The following PFKM variants were observed in gnomAD, a reference collection of about 807,000 sequenced individuals.
PFKM encodes phosphofructokinase, muscle.
PFKM carries 58 observed loss-of-function variants against 95.5 expected under a neutral mutation model. That is an observed-to-expected ratio of 0.61 (90% confidence interval 0.49 to 0.76). PFKM has a LOEUF of 0.76. PFKM is among the 30% of genes least tolerant of loss of function. The pLI, the probability that PFKM is intolerant of heterozygous loss-of-function variation, is 0.00. For synonymous variants in PFKM, 336 were observed against 357.2 expected, an observed-to-expected ratio of 0.94 and a Z score of 0.67; for missense variants, 678 against 1,005.4, an observed-to-expected ratio of 0.67 and a Z score of 4.40.
chr12:48,137,798 C>T lies in PFKM; in HGVS notation c.1014C>T (p.Leu338=). The T allele has an allele frequency of 6.2e-7, 1 of 1,614,122 alleles. No homozygotes were observed. The highest frequency in any genetic ancestry group is 8.5e-7 in the Non-Finnish European group (1 of 1,179,970). ...ATACCCCAGCCTGTGTAGTGAGCCTCTCTGGTAACCAGGCTGTGCGCCTGC... is the reference window on the plus strand; with the variant it reads ...ATACCCCAGCCTGTGTAGTGAGCCTTTCTGGTAACCAGGCTGTGCGCCTGC... The part of the protein sequence containing the change: ...TPDTPACVVS[L]SGNQAVRLPL... The change falls in exon 11 of 23, where the codon CTC becomes CTT. Residue 338 remains leucine, a synonymous_variant. Transcript: ENST00000359794.
intron 3 of PFKM, among the ~76,000 whole-genome samples, chr12:48,112,956 T>A (rs565039199): frequency 1.3e-5 from 2 of 150,916 alleles, no homozygotes; most frequent in Admixed American, 1.3e-4. Flanking sequence ...AAGGAGGGAG[T>A]AGAGGCATCC....
chr12:48,108,330 G>T, intron 3 of PFKM: 1 of 672,522 alleles, frequency 1.5e-6, no homozygotes, highest in Non-Finnish European at 2.4e-6. Flanking sequence ...CTGTGTGTGT[G>T]TGAAACAGAG....
At chr12:48,134,086 T>C (rs1949804903) in intron 6 of PFKM, 146 bp from the exon 7 acceptor site, 11 of 775,186 alleles carry the variant, frequency 1.4e-5, no homozygotes, top group Non-Finnish European at 7.2e-6. Context: ...GTATTTCCCC[T>C]AGGTCTTCCT....
upstream of PFKM, among the ~76,000 whole-genome samples, chr12:48,114,544 C>T (rs574590126): frequency 3.6e-4 from 55 of 152,008 alleles, no homozygotes; most frequent in African/African-American, 1.1e-3. Flanking sequence ...TGGCGGGGAG[C>T]GACCTGAGGA....
upstream of PFKM, chr12:48,118,635 G>A: frequency 1.1e-6 from 1 of 933,888 alleles, no homozygotes; most frequent in Admixed American, 2.0e-5. Context: ...CCTTTTTCCA[G>A]AGTGGATCCT....
rs781161499 is a variant in PFKM at position 48,145,680 on chromosome 12, G to C, written c.2315G>C (p.Arg772Pro). ...CATGCCCACCTGGAGCACATCACCCGGAAGCGGTCCGGGGAAGCTGCCGTC... is the reference window on the plus strand; with the variant it reads ...CATGCCCACCTGGAGCACATCACCCCGAAGCGGTCCGGGGAAGCTGCCGTC... ...SDHAHLEHIT[R>P]KRSGEAAV is the part of the protein sequence containing the mutation. The change falls in exon 23 of 23, where the codon CGG (arginine) becomes CCG (proline). Residue 772 changes from arginine (R) to proline (P), a missense_variant. Physicochemically the swap from Arg to Pro is moderately radical, Grantham distance 103. Transcript: ENST00000359794. The surrounding 1 kb of genome is among the most constrained non-coding windows in gnomAD (Gnocchi z 4.3). 1 of 1,614,072 alleles carries C rather than the reference G, an allele frequency of 6.2e-7. No homozygotes were observed. The highest frequency in any genetic ancestry group is 2.2e-5 in the East Asian group (1 of 44,906).
chr12:48,110,651 A>T (rs1349236451), intron 3 of PFKM, among the ~76,000 whole-genome samples: 1 of 152,184 alleles, frequency 6.6e-6, no homozygotes. Flanking sequence ...GACTCCCTCC[A>T]GGGTGTTCTG....
intron 15 of PFKM, 151 bp downstream of exon 15, chr12:48,141,532 C>A: frequency 3.8e-6 from 3 of 780,164 alleles, no homozygotes; most frequent in South Asian, 1.5e-5. Flanking sequence ...GCAGACATGC[C>A]CATCTCAACA....
intron 12 of PFKM, 135 bp downstream of exon 12, chr12:48,139,484 C>T: frequency 1.3e-6 from 1 of 746,602 alleles, no homozygotes; most frequent in South Asian, 1.5e-5. Context: ...CAAGTTCCTG[C>T]CCAAGAAAAT....
intron 3 of PFKM, among the ~76,000 whole-genome samples, chr12:48,109,310 C>T: frequency 6.7e-6 from 1 of 149,958 alleles, no homozygotes; most frequent in South Asian, 2.1e-4. Flanking sequence ...TCTTTTCCTT[C>T]CTTCCTTCCT....
chr12:48,108,841 T>A (rs887527059), intron 3 of PFKM, among the ~76,000 whole-genome samples: 2 of 152,250 alleles, frequency 1.3e-5, no homozygotes, highest in Non-Finnish European at 2.9e-5. Flanking sequence ...GTATAAGGCA[T>A]ATCCTTGCCA....
At chr12:48,138,698 G>C (rs896583705) in intron 11 of PFKM, among the ~76,000 whole-genome samples, 43 of 152,284 alleles carry the variant, frequency 2.8e-4, no homozygotes, top group African/African-American at 1.0e-3. Context: ...CGGGGACCTG[G>C]GTGTGGAATG....
intron 4 of PFKM, chr12:48,131,680 G>C: frequency 6.7e-6 from 3 of 450,852 alleles, no homozygotes; most frequent in Non-Finnish European, 1.2e-5. Context: ...TTACTCTAGG[G>C]TCACAGGGAA....
chr12:48,107,541 T>G, intron 2 of PFKM: 2 of 857,534 alleles, frequency 2.3e-6, no homozygotes, highest in South Asian at 2.8e-5. Context: ...GGCTTTCTAG[T>G]GTAAATACGG....
chr12:48,132,238 A>G, intron 4 of PFKM: 4 of 352,834 alleles, frequency 1.1e-5, no homozygotes, highest in Non-Finnish European at 2.2e-5. Flanking sequence ...TCAGGGATAG[A>G]AAGCCTTAAT....
intron 4 of PFKM, chr12:48,132,211 G>A: frequency 2.7e-6 from 1 of 377,200 alleles, no homozygotes; most frequent in Middle Eastern, 3.8e-4. Flanking sequence ...ACCTCTCTCA[G>A]GTAAGTATAC....
chr12:48,140,763 G>A lies in PFKM; in HGVS notation c.1233G>A (p.Pro411=), dbSNP rs577102514. 77 of 1,614,056 alleles carry A rather than the reference G, an allele frequency of 4.8e-5. No homozygotes were observed. The highest frequency in any genetic ancestry group is 5.7e-5 in the Non-Finnish European group (67 of 1,180,030). ...HTVAVMNVGA[P]AAGMNAAVRS... ...TGGCTGTGATGAACGTGGGGGCTCCGGCTGCAGGCATGAATGCTGCTGTTC... is the reference window on the plus strand; with the variant it reads ...TGGCTGTGATGAACGTGGGGGCTCCAGCTGCAGGCATGAATGCTGCTGTTC... Residue 411 remains proline, a synonymous_variant, in exon 14 of 23, where the codon CCG becomes CCA. Coordinates refer to ENST00000359794, the MANE Select transcript of PFKM (RefSeq NM_000289.6).
At chr12:48,137,465 T>C in intron 10 of PFKM, 1 of 549,768 alleles carries the variant, frequency 1.8e-6, no homozygotes, top group South Asian at 2.0e-5. Flanking sequence ...CCAGTAATCC[T>C]GTTGATTACC....
Position 48,140,729 on chromosome 12 carries a change from C to A in PFKM, c.1199C>A (p.Ser400Ter), listed in dbSNP as rs773001987. 6.2e-7 allele frequency: 1 copy of A among 1,614,162 alleles called. No individual in the cohort carries two copies. Among genetic ancestry groups the A allele is most frequent in the Non-Finnish European group, 8.5e-7 (1 of 1,180,014 alleles). Residue 400 changes from serine (S) to a stop codon, truncating the protein, a stop_gained, in exon 14 of 23, where the codon TCG becomes TAG. Coordinates refer to ENST00000359794, the MANE Select transcript of PFKM (RefSeq NM_000289.6). LOFTEE classifies it high-confidence loss of function. Reference protein sequence around the residue: ...HVRPPVSKSGSHTVAVMNVGA... With the variant: ...HVRPPVSKSG ...CTGCTTCCTCCTGTATAGAGTGGTT[C>A]GCACACAGTGGCTGTGATGAACGTG... is the stretch of plus-strand genomic sequence containing the variant.
Sources: gnomAD v4.1 joint callset for allele counts (sites outside exome capture counted in the v4.1 genomes callset) on GRCh38, gnomAD v4.1.1 for gene constraint, Gnocchi (gnomAD v3.1) non-coding constraint, MANE v1.5 for transcripts, NCBI Gene and HGNC (gene_info 2026-07-23, HGNC 2026-07-21) for gene names.